The following SGMS1 variants were observed in gnomAD, a reference collection of about 807,000 sequenced individuals.
The protein encoded by SGMS1 is phosphatidylcholine:ceramide cholinephosphotransferase 1.
SGMS1 carries 13 observed loss-of-function variants against 46.2 expected under a neutral mutation model. That is an observed-to-expected ratio of 0.28 (90% confidence interval 0.18 to 0.45). The LOEUF (loss-of-function observed/expected upper bound fraction) is 0.45, where lower values mean the gene tolerates loss of function less well. Among genes scored for constraint, SGMS1 ranks in the 20% least tolerant of loss-of-function variants. The pLI, the probability that SGMS1 is intolerant of heterozygous loss-of-function variation, is 1.00. For synonymous variants in SGMS1, 203 were observed against 187.8 expected (o/e 1.08, Z -0.66); for missense variants, 324 against 519.9 (o/e 0.62, Z 3.66).
intron 2 of SGMS1, among the ~76,000 whole-genome samples, chr10:50,575,385 C>G (rs1279171553): frequency 6.6e-6 from 1 of 151,958 alleles, no homozygotes; most frequent in African/African-American, 2.4e-5. Flanking sequence ...AAGACCCCAT[C>G]TCTATAAAAT....
intron 3 of SGMS1, among the ~76,000 whole-genome samples, chr10:50,472,336 C>T (rs1588844778): frequency 6.6e-6 from 1 of 152,180 alleles, no homozygotes; most frequent in East Asian, 1.9e-4. Flanking sequence ...TTTATCTCTC[C>T]ATCCCCTTCT....
chr10:50,385,570 A>G (rs529226472), intron 6 of SGMS1, among the ~76,000 whole-genome samples: 61 of 152,348 alleles, frequency 4.0e-4, no homozygotes, highest in Middle Eastern at 3.4e-3. Flanking sequence ...GTGCTCCATG[A>G]AATCAATCAC....
chr10:50,590,624 A>G (rs1838531540), intron 1 of SGMS1: 1 of 152,192 alleles, frequency 6.6e-6, no homozygotes, highest in Non-Finnish European at 1.5e-5. Context: ...TAACATATCT[A>G]TCACCTCATA....
chr10:50,369,015 T>C (rs189723228), intron 6 of SGMS1, among the ~76,000 whole-genome samples: 66 of 152,348 alleles, frequency 4.3e-4, no homozygotes, highest in African/African-American at 1.6e-3. Context: ...CATTAACGTA[T>C]ATATAACATC....
At chr10:50,542,511 A>T (rs1838062338) in intron 2 of SGMS1, among the ~76,000 whole-genome samples, 1 of 151,088 alleles carries the variant, frequency 6.6e-6, no homozygotes, top group Non-Finnish European at 1.5e-5. Context: ...ATTTGCTCTT[A>T]AAAAAAAGTG....
intron 2 of SGMS1, among the ~76,000 whole-genome samples, chr10:50,545,527 C>A (rs1391770339): frequency 6.6e-6 from 1 of 151,010 alleles, no homozygotes; most frequent in African/African-American, 2.4e-5. Context: ...ACCTCCACCC[C>A]TGGGTTCAAG....
chr10:50,408,450 A>AAT (rs1201489518), intron 6 of SGMS1, among the ~76,000 whole-genome samples: 1 of 148,728 alleles, frequency 6.7e-6, no homozygotes, highest in Non-Finnish European at 1.5e-5. Context: ...AAAAAAAAAA[A>AAT]AAAAACAAAA....
At chr10:50,527,042 T>G (rs1837908100) in intron 2 of SGMS1, among the ~76,000 whole-genome samples, 1 of 123,994 alleles carries the variant, frequency 8.1e-6, no homozygotes, top group Non-Finnish European at 1.6e-5. Flanking sequence ...TCCAGCTGGG[T>G]GACAGAGTGA....
At chr10:50,464,085 ATAAAATGT>A (rs1241343306) in intron 4 of SGMS1, among the ~76,000 whole-genome samples, 1 of 152,238 alleles carries the variant, frequency 6.6e-6, no homozygotes, top group Non-Finnish European at 1.5e-5. Flanking sequence ...GTTTTGCAAC[ATAAAATGT>A]TCTAGAGAGC....
chr10:50,323,235 A>AT (rs1277325943), intron 8 of SGMS1, among the ~76,000 whole-genome samples: 1 of 152,122 alleles, frequency 6.6e-6, no homozygotes, highest in African/African-American at 2.4e-5. Context: ...TTGTTGAAAC[A>AT]TTTTTCTTAG....
chr10:50,480,347 G>T (rs1837464652), intron 3 of SGMS1, among the ~76,000 whole-genome samples: 1 of 151,980 alleles, frequency 6.6e-6, no homozygotes, highest in South Asian at 2.1e-4. Flanking sequence ...CTAAATAAAT[G>T]CTTACTTGGT....
intron 1 of SGMS1, among the ~76,000 whole-genome samples, chr10:50,613,526 T>C (rs1588893099): frequency 6.6e-6 from 1 of 152,306 alleles, no homozygotes; most frequent in East Asian, 1.9e-4. Context: ...CAGGCCTCTC[T>C]AGCCTCTTCA....
At chr10:50,492,211 G>T (rs1452779500) in intron 3 of SGMS1, among the ~76,000 whole-genome samples, 1 of 152,170 alleles carries the variant, frequency 6.6e-6, no homozygotes, top group African/African-American at 2.4e-5. Context: ...AGCCAACATT[G>T]TACTGAATGG....
intron 7 of SGMS1, among the ~76,000 whole-genome samples, chr10:50,337,239 TC>T (rs924210286): frequency 2.0e-5 from 3 of 152,254 alleles, no homozygotes; most frequent in Admixed American, 2.0e-4. Flanking sequence ...TAACCCCCAT[TC>T]AACTGTTCTG....
intron 1 of SGMS1, among the ~76,000 whole-genome samples, chr10:50,606,695 T>C (rs554901626): frequency 1.3e-5 from 2 of 152,358 alleles, no homozygotes; most frequent in South Asian, 4.1e-4. Context: ...ATGTCACTTC[T>C]GGCATCCTTG....
chr10:50,376,165 C>A (rs1848518880), intron 6 of SGMS1, among the ~76,000 whole-genome samples: 1 of 152,154 alleles, frequency 6.6e-6, no homozygotes, highest in Admixed American at 6.5e-5. Context: ...GTACCACAAG[C>A]CATGTCTTCA....
chr10:50,382,832 C>T (rs1848626880), intron 6 of SGMS1, among the ~76,000 whole-genome samples: 1 of 152,132 alleles, frequency 6.6e-6, no homozygotes, highest in African/African-American at 2.4e-5. Context: ...TATCAAATGG[C>T]CACAGGAATT....
At chr10:50,531,764 T>C (rs1837955486) in intron 2 of SGMS1, among the ~76,000 whole-genome samples, 1 of 152,194 alleles carries the variant, frequency 6.6e-6, no homozygotes, top group South Asian at 2.1e-4. Context: ...GAAGGTATAC[T>C]ACATATACCA....
At chr10:50,599,668 G>A (rs975172698) in intron 1 of SGMS1, among the ~76,000 whole-genome samples, 2 of 152,134 alleles carry the variant, frequency 1.3e-5, no homozygotes, top group African/African-American at 4.8e-5. Flanking sequence ...TTCGAGACCA[G>A]CCTGGCCAAC....
Sources: allele counts gnomAD v4.1 joint callset (sites outside exome capture counted in the v4.1 genomes callset), GRCh38; gene constraint gnomAD v4.1.1; transcripts MANE v1.5; gene names NCBI Gene and HGNC (gene_info 2026-07-23, HGNC 2026-07-21).